MBD5: variants seen among roughly 807,000 people sequenced by gnomAD.
MBD5 encodes the protein methyl-CpG binding domain protein 5, also known as methyl-CpG-binding domain protein 5.
A neutral mutation model predicts 117.3 loss-of-function variants in MBD5; 13 were observed. That is an observed-to-expected ratio of 0.11 (90% CI 0.07 to 0.18). The LOEUF (loss-of-function observed/expected upper bound fraction) is 0.18, where lower values mean the gene tolerates loss of function less well. Ranked by LOEUF, MBD5 falls within the 10% of genes least tolerant of loss-of-function variation. The pLI is 1.00. For synonymous variants in MBD5, 727 were observed against 766.4 expected (o/e 0.95, Z 0.85); for missense variants, 1,879 against 2,093.8 (o/e 0.90, Z 2.00).
intron 3 of MBD5, among the ~76,000 whole-genome samples, chr2:148,277,752 ATATT>A (rs1220382474): frequency 6.6e-6 from 1 of 151,824 alleles, no homozygotes; most frequent in Non-Finnish European, 1.5e-5. Context: ...CTTCTTTCTT[ATATT>A]TACTCTTATT....
At chr2:148,136,356 A>G (rs1344870326) in intron 1 of MBD5, among the ~76,000 whole-genome samples, 4 of 152,180 alleles carry the variant, frequency 2.6e-5, no homozygotes, top group Admixed American at 2.0e-4. Flanking sequence ...CAAGTTGTAC[A>G]TAGATAAGTT....
intron 3 of MBD5, among the ~76,000 whole-genome samples, chr2:148,238,144 A>C (rs939640924): frequency 4.6e-5 from 7 of 152,210 alleles, no homozygotes; most frequent in African/African-American, 1.7e-4. Context: ...TATTTATGCC[A>C]AACTTGTTTT....
chr2:148,147,225 TA>T (rs1282476641), intron 1 of MBD5, among the ~76,000 whole-genome samples: 3 of 151,830 alleles, frequency 2.0e-5, no homozygotes, highest in Non-Finnish European at 4.4e-5. Context: ...ACATTTTATT[TA>T]TTTATTTTTA....
At chr2:148,262,106 A>G (rs1208427694) in intron 3 of MBD5, among the ~76,000 whole-genome samples, 2 of 152,222 alleles carry the variant, frequency 1.3e-5, no homozygotes, top group African/African-American at 4.8e-5. Context: ...GAAATATTGC[A>G]AGAATTACCA....
At chr2:148,441,993 A>G (rs941366961) in intron 4 of MBD5, among the ~76,000 whole-genome samples, 10 of 151,990 alleles carry the variant, frequency 6.6e-5, no homozygotes, top group Non-Finnish European at 1.5e-4. Flanking sequence ...TTCATTGTAG[A>G]TTGTGGATAT....
intron 4 of MBD5, chr2:148,345,900 C>G (rs1703113110): frequency 6.6e-6 from 1 of 151,798 alleles, no homozygotes; most frequent in South Asian, 2.1e-4. Context: ...GCCTGTCTCT[C>G]CTTTTCACAT....
intron 5 of MBD5, among the ~76,000 whole-genome samples, chr2:148,462,317 T>C (rs1574451417): frequency 6.6e-6 from 1 of 152,188 alleles, no homozygotes; most frequent in Non-Finnish European, 1.5e-5. Flanking sequence ...TTTTACCACC[T>C]TTAGTCTACT....
intron 2 of MBD5, among the ~76,000 whole-genome samples, chr2:148,218,873 A>G (rs781034487): frequency 6.6e-6 from 1 of 152,222 alleles, no homozygotes; most frequent in Non-Finnish European, 1.5e-5. Flanking sequence ...GTGAGTGAGT[A>G]GTGAGTGAAT....
chr2:148,147,713 A>G (rs998954165), intron 1 of MBD5, among the ~76,000 whole-genome samples: 1 of 151,948 alleles, frequency 6.6e-6, no homozygotes, highest in Non-Finnish European at 1.5e-5. Context: ...CTGCTCTGTT[A>G]CCTTTATGGT....
chr2:148,403,595 T>C (rs1236278855), intron 4 of MBD5, among the ~76,000 whole-genome samples: 2 of 152,342 alleles, frequency 1.3e-5, no homozygotes, highest in Middle Eastern at 6.8e-3. Context: ...TGCTTGCAAT[T>C]TTAAGAAATA....
At chr2:148,213,903 G>T (rs548080230) in intron 2 of MBD5, among the ~76,000 whole-genome samples, 1 of 152,040 alleles carries the variant, frequency 6.6e-6, no homozygotes, top group African/African-American at 2.4e-5. Flanking sequence ...GTCAGACTGA[G>T]AATTAAATAA....
At chr2:148,456,860 G>A (rs1706899753) in intron 4 of MBD5, among the ~76,000 whole-genome samples, 1 of 152,116 alleles carries the variant, frequency 6.6e-6, no homozygotes, top group Non-Finnish European at 1.5e-5. Flanking sequence ...CTGTCTCAGA[G>A]CCAAGGCTGC....
At position 148,232,428 on chromosome 2, in the gene MBD5, A is replaced by G. The variant is rs553729865; in HGVS notation, c.-830-817A>G. 8.5e-5 allele frequency among the ~76,000 whole-genome samples: 13 copies of G among 152,302 alleles called. No homozygotes were observed. In the East Asian group the frequency reaches 1.2e-3, roughly 14 times the overall value. Reference sequence around the variant, plus strand: ...TGAGGATTGGAAAAGATAAGTGATCATGACAATGGATGAAACTCAGAAATT... The same window carrying G: ...TGAGGATTGGAAAAGATAAGTGATCGTGACAATGGATGAAACTCAGAAATT... On this transcript the variant is annotated intron_variant, in intron 2 of 13. Coordinates refer to ENST00000642680, the MANE Select transcript of MBD5 (RefSeq NM_001378120.1).
chr2:148,098,590 G>T (rs1696124531), intron 1 of MBD5, among the ~76,000 whole-genome samples: 2 of 152,118 alleles, frequency 1.3e-5, no homozygotes, highest in South Asian at 4.1e-4. Flanking sequence ...CATTGCATCT[G>T]AATCACCTGG....
At chr2:148,349,642 G>A (rs982856212) in intron 4 of MBD5, among the ~76,000 whole-genome samples, 2 of 151,924 alleles carry the variant, frequency 1.3e-5, no homozygotes, top group Non-Finnish European at 2.9e-5. Context: ...ATGAATTCAA[G>A]ACTTCAGAGC....
intron 1 of MBD5, among the ~76,000 whole-genome samples, chr2:148,148,432 A>G (rs1403909041): frequency 3.3e-5 from 5 of 152,202 alleles, no homozygotes; most frequent in African/African-American, 1.2e-4. Context: ...CTTCATATGG[A>G]AATTCAGCCA....
intron 1 of MBD5, among the ~76,000 whole-genome samples, chr2:148,094,978 T>G (rs965805865): frequency 2.0e-5 from 3 of 152,160 alleles, no homozygotes; most frequent in Admixed American, 6.6e-5. Flanking sequence ...TGCTGCCTCA[T>G]AACTCCAGCG....
intron 1 of MBD5, among the ~76,000 whole-genome samples, chr2:148,056,499 G>T (rs193085099): frequency 6.6e-6 from 1 of 151,630 alleles, no homozygotes; most frequent in Admixed American, 6.6e-5. Context: ...TCAAATTTTT[G>T]TATAAAAGTT....
At position 148,238,130 on chromosome 2, in the gene MBD5, A is replaced by G. The variant is rs2106175607; in HGVS notation, c.-680+4735A>G. On this transcript the variant is annotated intron_variant, in intron 3 of 13. Coordinates refer to ENST00000642680, the MANE Select transcript of MBD5 (RefSeq NM_001378120.1). ...TTAAAAAAGAACAATGAATTTGCTC[A>G]TTCTATTTATGCCAAACTTGTTTTA... is the stretch of plus-strand genomic sequence containing the variant. 1.3e-5 allele frequency among the ~76,000 whole-genome samples: 2 copies of G among 152,310 alleles called. 1 individual carries two copies. Among genetic ancestry groups the G allele is most frequent in the South Asian group, 4.1e-4 (2 of 4,828 alleles).
Sources: allele counts gnomAD v4.1 joint callset (sites outside exome capture counted in the v4.1 genomes callset), GRCh38; gene constraint gnomAD v4.1.1; transcripts MANE v1.5; gene names NCBI Gene and HGNC (gene_info 2026-07-23, HGNC 2026-07-21).